The following RXFP2 variants were observed in gnomAD, a reference collection of about 807,000 sequenced individuals.
RXFP2 encodes the protein relaxin family peptide receptor 2, also known as relaxin receptor 2.
RXFP2 carries 68 observed loss-of-function variants against 88.6 expected under a neutral mutation model. That is an observed-to-expected ratio of 0.77 (90% CI 0.63 to 0.94). The LOEUF (loss-of-function observed/expected upper bound fraction) is 0.94, where lower values mean the gene tolerates loss of function less well. RXFP2 is among the 40% of genes least tolerant of loss of function. The pLI is 0.00. For missense variants in RXFP2, 791 were observed against 893.9 expected (o/e 0.88, Z 1.47); for synonymous variants, 329 against 306.8 (o/e 1.07, Z -0.76).
intron 11 of RXFP2, among the ~76,000 whole-genome samples, chr13:31,784,503 C>G (rs1401177431): frequency 6.6e-6 from 1 of 152,018 alleles, no homozygotes; most frequent in Non-Finnish European, 1.5e-5. Context: ...TCTGGGTAAC[C>G]CTTTGAAAGG....
chr13:31,782,740 G>T lies in RXFP2; in HGVS notation c.922G>T (p.Gly308Ter). 1 of 1,585,414 alleles carries T rather than the reference G, an allele frequency of 6.3e-7. No homozygotes were observed. The highest frequency in any genetic ancestry group is 1.1e-5 in the South Asian group (1 of 90,464). The stretch of plus-strand genomic sequence containing the variant: ...GACATTTTCTTCATTAAAAAATTTA[G>T]GAGAACTGTAAGTAGCATCGTCTAC... ...EKTFSSLKNL[G>*]ELDLSSNTIT... Residue 308 changes from glycine (G) to a stop codon, truncating the protein, a stop_gained, in exon 11 of 18, where the codon GGA (glycine) becomes TGA (stop). Transcript: ENST00000298386. LOFTEE classifies it high-confidence loss of function.
intron 13 of RXFP2, among the ~76,000 whole-genome samples, chr13:31,788,880 G>T (rs970692318): frequency 2.0e-4 from 30 of 152,234 alleles, no homozygotes; most frequent in African/African-American, 6.7e-4. Flanking sequence ...TTAAATCAAA[G>T]AAATGAATGA....
chr13:31,801,318 T>C (rs1241312408), intron 17 of RXFP2, among the ~76,000 whole-genome samples: 4 of 151,842 alleles, frequency 2.6e-5, no homozygotes, highest in African/African-American at 9.7e-5. Flanking sequence ...AAAAAGCACA[T>C]CAGCAGAGCT....
chr13:31,768,115 C>A (rs1476777000), intron 5 of RXFP2, among the ~76,000 whole-genome samples: 1 of 152,160 alleles, frequency 6.6e-6, no homozygotes, highest in African/African-American at 2.4e-5. Flanking sequence ...TAGAGACTAA[C>A]CTTTATTGCC....
rs1302508621 is a variant in RXFP2 at position 31,797,496 on chromosome 13, G to A, written c.2005+77G>A. The A allele has an allele frequency of 1.2e-5, 12 of 1,009,498 alleles. No homozygotes were observed. In the East Asian group the frequency reaches 2.4e-4, roughly 20 times the overall value. 62.5% of individuals were successfully genotyped at this position (1,009,498 alleles called of 1,614,324 possible). A position where few individuals can be genotyped will look rare whatever the true frequency, so the allele number is the denominator to read the frequency against. On this transcript the variant is annotated intron_variant, in intron 17 of 17. Transcript: ENST00000298386. ...CTTCTTTTGACAAGGCCAGAGTCTA[G>A]GACACATAATAAATTATTCATAAAA...
At chr13:31,769,454 T>C (rs1426515370) in intron 5 of RXFP2, among the ~76,000 whole-genome samples, 1 of 152,174 alleles carries the variant, frequency 6.6e-6, no homozygotes, top group Admixed American at 6.5e-5. Context: ...AGTATCCTCA[T>C]TTCCTTAAAT....
chr13:31,785,558 T>C (rs1873495767), intron 11 of RXFP2, among the ~76,000 whole-genome samples: 1 of 151,558 alleles, frequency 6.6e-6, no homozygotes. Context: ...TCCTTGTTTG[T>C]ATCTAGTTGC....
intron 11 of RXFP2, among the ~76,000 whole-genome samples, chr13:31,783,219 T>A (rs1322055658): frequency 2.0e-5 from 3 of 152,228 alleles, no homozygotes; most frequent in Non-Finnish European, 4.4e-5. Flanking sequence ...ATGCTGAGAA[T>A]GAGGGTTAGG....
chr13:31,769,727 T>C (rs1184292999), intron 5 of RXFP2, among the ~76,000 whole-genome samples: 1 of 152,212 alleles, frequency 6.6e-6, no homozygotes, highest in Non-Finnish European at 1.5e-5. Context: ...GCCACATGTG[T>C]TGCTGCTAAG....
At chr13:31,766,080 A>T in intron 5 of RXFP2, 53 bp downstream of exon 5, 1 of 898,144 alleles carries the variant, frequency 1.1e-6, no homozygotes. Context: ...GTGGTGGTGT[A>T]AGATGTTTTT....
chr13:31,796,475 AT>A (rs558938224), intron 16 of RXFP2, among the ~76,000 whole-genome samples: 326 of 151,226 alleles, frequency 2.2e-3, no homozygotes, highest in African/African-American at 7.4e-3. Flanking sequence ...GGTTGTTTTT[AT>A]TTTTTGAGAT....
intron 14 of RXFP2, among the ~76,000 whole-genome samples, 180 bp downstream of exon 14, chr13:31,789,373 G>A (rs745708991): frequency 1.8e-4 from 28 of 152,078 alleles, no homozygotes; most frequent in Non-Finnish European, 3.1e-4. Flanking sequence ...ATGATGTGCC[G>A]ACATGAATGA....
At chr13:31,786,331 T>A in intron 11 of RXFP2, 52 bp from the exon 12 acceptor site, 1 of 1,211,028 alleles carries the variant, frequency 8.3e-7, no homozygotes, top group South Asian at 1.2e-5. Flanking sequence ...GAGTAATAAG[T>A]CTGTCATTTA....
At chr13:31,774,203 G>A (rs1366808450) in intron 5 of RXFP2, among the ~76,000 whole-genome samples, 1 of 152,144 alleles carries the variant, frequency 6.6e-6, no homozygotes, top group African/African-American at 2.4e-5. Flanking sequence ...TTATTTCATG[G>A]GAATAGAATA....
chr13:31,751,204 A>T (rs1221118625), intron 1 of RXFP2, among the ~76,000 whole-genome samples: 1 of 152,254 alleles, frequency 6.6e-6, no homozygotes, highest in Non-Finnish European at 1.5e-5. Flanking sequence ...AGGCAGGAGA[A>T]TCACTTGAAC....
intron 11 of RXFP2, among the ~76,000 whole-genome samples, chr13:31,783,983 A>ATTTTTTTTTTTT (rs10686799): frequency 4.1e-5 from 5 of 121,566 alleles, no homozygotes; most frequent in Non-Finnish European, 6.7e-5. Context: ...TGCCTGGCTA[A>ATTTTTTTTTTTT]TTTTTTTTTT....
chr13:31,752,326 C>A (rs1871708433), intron 1 of RXFP2, among the ~76,000 whole-genome samples: 1 of 151,990 alleles, frequency 6.6e-6, no homozygotes, highest in Admixed American at 6.5e-5. Flanking sequence ...GGGACTTTTA[C>A]CAGCATGAAG....
At chr13:31,743,906 T>C (rs1410701832) in intron 1 of RXFP2, among the ~76,000 whole-genome samples, 1 of 152,048 alleles carries the variant, frequency 6.6e-6, no homozygotes, top group Non-Finnish European at 1.5e-5. Flanking sequence ...TCACACCTGC[T>C]CCATCCTGAT....
intron 14 of RXFP2, among the ~76,000 whole-genome samples, chr13:31,790,851 G>T (rs538744311): frequency 6.6e-6 from 1 of 152,008 alleles, no homozygotes; most frequent in Non-Finnish European, 1.5e-5. Flanking sequence ...TCCAGGCAGG[G>T]GCATAAGAAA....
Sources: allele counts gnomAD v4.1 joint callset (sites outside exome capture counted in the v4.1 genomes callset), GRCh38; gene constraint gnomAD v4.1.1; transcripts MANE v1.5; gene names NCBI Gene and HGNC (gene_info 2026-07-23, HGNC 2026-07-21).